The following RNF150 variants were observed in gnomAD, a reference collection of about 807,000 sequenced individuals.
RNF150 encodes ring finger protein 150.
In RNF150, 24 loss-of-function variants were observed where a neutral mutation model predicts 39.3. The observed-to-expected ratio is 0.61, with a 90% CI of 0.44 to 0.86. The LOEUF (loss-of-function observed/expected upper bound fraction) is 0.86. Among genes scored for constraint, RNF150 ranks in the 40% least tolerant of loss-of-function variants. The pLI is 0.00. For missense variants in RNF150, 502 were observed against 587.8 expected, an observed-to-expected ratio of 0.85 and a Z score of 1.51; for synonymous variants, 255 against 227.3, an observed-to-expected ratio of 1.12 and a Z score of -1.10.
chr4:141,140,159 C>T (rs934397949), intron 1 of RNF150, among the ~76,000 whole-genome samples: 5 of 152,168 alleles, frequency 3.3e-5, no homozygotes, highest in African/African-American at 9.7e-5. Context: ...GTTTTGGAAA[C>T]GTTTTTTTAG....
At chr4:140,918,896 AT>A (rs1278947160) in intron 5 of RNF150, among the ~76,000 whole-genome samples, 1 of 152,228 alleles carries the variant, frequency 6.6e-6, no homozygotes, top group African/African-American at 2.4e-5. Context: ...CAAATCAATA[AT>A]TCTAATCCAG....
At chr4:140,884,820 T>C (rs548679643) in intron 6 of RNF150, among the ~76,000 whole-genome samples, 98 of 152,246 alleles carry the variant, frequency 6.4e-4, no homozygotes, top group Non-Finnish European at 9.4e-4. Flanking sequence ...CAATCATTTT[T>C]CTCTTTCTCT....
chr4:140,881,572 C>T (rs2111204854), intron 6 of RNF150, among the ~76,000 whole-genome samples: 1 of 152,266 alleles, frequency 6.6e-6, no homozygotes, highest in African/African-American at 2.4e-5. Flanking sequence ...CTTTGACCCA[C>T]TGGTTATACA....
chr4:140,956,921 C>A (rs1460489742), intron 2 of RNF150, among the ~76,000 whole-genome samples: 1 of 150,270 alleles, frequency 6.7e-6, no homozygotes, highest in Middle Eastern at 3.4e-3. Context: ...GGATTAAAGA[C>A]TTAAACATTA....
intron 1 of RNF150, among the ~76,000 whole-genome samples, chr4:141,097,771 T>C (rs1029128049): frequency 4.6e-5 from 7 of 152,200 alleles, no homozygotes; most frequent in Non-Finnish European, 8.8e-5. Context: ...TTAGATGTTT[T>C]TCTATTGGGA....
chr4:141,134,930 GC>G (rs1417975670), upstream of RNF150, among the ~76,000 whole-genome samples: 2 of 152,088 alleles, frequency 1.3e-5, no homozygotes, highest in African/African-American at 4.8e-5. Context: ...TTTTTCTCCA[GC>G]TGGAAGACTT....
chr4:141,027,847 G>T (rs575783721), intron 1 of RNF150, among the ~76,000 whole-genome samples: 1 of 140,580 alleles, frequency 7.1e-6, no homozygotes, highest in Admixed American at 7.5e-5. Flanking sequence ...ATTTAACATT[G>T]ATTTTCAATC....
chr4:141,202,757 G>A (rs1378473047), intron 1 of RNF150, among the ~76,000 whole-genome samples: 1 of 151,472 alleles, frequency 6.6e-6, no homozygotes, highest in Non-Finnish European at 1.5e-5. Flanking sequence ...TGTCTTAACA[G>A]GAAAAATGGA....
chr4:141,000,087 G>GA lies in RNF150; in HGVS notation c.485-32215dup, dbSNP rs1553935774. Among the ~76,000 whole-genome samples, 8 of 35,878 alleles carry GA rather than the reference G, an allele frequency of 2.2e-4. 1 individual carries two copies. The highest frequency in any genetic ancestry group is 2.9e-4 in the Admixed American group (1 of 3,484). The allele number at this position is 35,878 out of a possible 152,430, so 23.5% of individuals were successfully genotyped here. ...GAAGAAGAAGAAGAAGAAGAAGAAGGAGAAGAAGAAGAAGAAGAAGAGGAG... is the reference window on the plus strand; with the variant it reads ...GAAGAAGAAGAAGAAGAAGAAGAAGGAAGAAGAAGAAGAAGAAGAAGAGGAG... On this transcript the variant is annotated intron_variant, in intron 1 of 6. Coordinates refer to ENST00000515673, the MANE Select transcript of RNF150 (RefSeq NM_020724.2).
In RNF150 at chr4:140,861,064, T is replaced by G. The variant is rs1331663194; in HGVS notation, c.*7197A>C. The G allele has an allele frequency of 6.6e-6, 1 of 151,446 alleles. No individual in the cohort carries two copies. The highest frequency in any genetic ancestry group is 1.5e-5 in the Non-Finnish European group (1 of 67,830). The allele number at this position is 151,446 out of a possible 1,614,324, so 9.4% of individuals were successfully genotyped here. A position where few individuals can be genotyped will look rare whatever the true frequency, so the allele number is the denominator to read the frequency against. Reference sequence around the variant, plus strand: ...AACAGTCCCTCCCCACTCCCACCCCTACATCTCCTTCTAATTATAAAATGG... The same window carrying G: ...AACAGTCCCTCCCCACTCCCACCCCGACATCTCCTTCTAATTATAAAATGG... On this transcript the variant is annotated 3_prime_UTR_variant, in exon 7 of 7. Transcript: ENST00000515673.
At chr4:141,013,216 G>A (rs1248769932) in intron 1 of RNF150, among the ~76,000 whole-genome samples, 1 of 152,186 alleles carries the variant, frequency 6.6e-6, no homozygotes, top group Non-Finnish European at 1.5e-5. Context: ...GTGAGATTAT[G>A]TGATGGCTCG....
chr4:141,085,297 C>G (rs1430246238), intron 1 of RNF150, among the ~76,000 whole-genome samples: 1 of 152,202 alleles, frequency 6.6e-6, no homozygotes, highest in Non-Finnish European at 1.5e-5. Context: ...TCAATTAACT[C>G]CCACCAGGTC....
At chr4:141,062,709 A>C (rs540837396) in intron 1 of RNF150, among the ~76,000 whole-genome samples, 2 of 152,294 alleles carry the variant, frequency 1.3e-5, no homozygotes, top group South Asian at 4.1e-4. Flanking sequence ...CTGGTAATAC[A>C]TGTGCAGGTT....
chr4:140,887,281 A>C (rs565020334), intron 6 of RNF150, among the ~76,000 whole-genome samples: 44 of 152,352 alleles, frequency 2.9e-4, no homozygotes, highest in Admixed American at 3.3e-4. Context: ...TACTGATAAT[A>C]ATACATTTTT....
At chr4:140,906,563 C>CTCTT (rs1730383852) in intron 6 of RNF150, among the ~76,000 whole-genome samples, 1 of 152,128 alleles carries the variant, frequency 6.6e-6, no homozygotes. Context: ...AGATACACTC[C>CTCTT]TCTTTCCCCA....
chr4:141,012,612 A>G (rs1735113151), intron 1 of RNF150, among the ~76,000 whole-genome samples: 1 of 151,800 alleles, frequency 6.6e-6, no homozygotes, highest in Non-Finnish European at 1.5e-5. Context: ...CAAGAGATTG[A>G]GACCATCCTG....
At chr4:141,205,369 T>C (rs1163952190) in intron 1 of RNF150, among the ~76,000 whole-genome samples, 1 of 152,204 alleles carries the variant, frequency 6.6e-6, no homozygotes, top group African/African-American at 2.4e-5. Flanking sequence ...CTCTGCATGT[T>C]TCATTCTTTC....
intron 1 of RNF150, among the ~76,000 whole-genome samples, chr4:141,131,209 C>A (rs7669979): frequency 6.6e-6 from 1 of 152,238 alleles, no homozygotes; most frequent in Non-Finnish European, 1.5e-5. Flanking sequence ...ATTTCAGCAG[C>A]GTAACTATTT....
In RNF150 at chr4:141,132,290, C is replaced by T; in HGVS notation, c.484+35G>A. ...TCCCTCTAGGCACCTCCGTCCCCGC[C>T]GGCTCCCCTCCCCCGCGCCCGCTGG... On this transcript the variant is annotated intron_variant, in intron 1 of 6. Transcript: ENST00000515673. This position sits in a 1 kb window ranked among gnomAD's most constrained non-coding sequence, Gnocchi z 4.9. 1 of 1,553,574 alleles carries T rather than the reference C, an allele frequency of 6.4e-7. No homozygotes were observed. Among genetic ancestry groups the T allele is most frequent in the Non-Finnish European group, 8.7e-7 (1 of 1,148,008 alleles).
Sources: allele counts gnomAD v4.1 joint callset (sites outside exome capture counted in the v4.1 genomes callset), GRCh38; gene constraint gnomAD v4.1.1; non-coding constraint Gnocchi (gnomAD v3.1); transcripts MANE v1.5; gene names NCBI Gene and HGNC (gene_info 2026-07-23, HGNC 2026-07-21).